Variants in STX17 observed in about 807,000 individuals in gnomAD.
STX17 encodes the protein syntaxin-17.
In STX17, 29 loss-of-function variants were observed where a neutral mutation model predicts 35.9. The ratio of observed to expected loss-of-function variants is 0.81; its 90% CI spans 0.60 to 1.10. The LOEUF is 1.10. Among genes scored for constraint, STX17 ranks in the 50% least tolerant of loss-of-function variants. The pLI, the probability that STX17 is intolerant of heterozygous loss-of-function variation, is 0.00. For missense variants in STX17, 312 were observed against 352.3 expected (o/e 0.89, Z 0.92); for synonymous variants, 92 against 118.3 (o/e 0.78, Z 1.44).
At chr9:99,957,297 T>C (rs1200691720) in intron 4 of STX17, among the ~76,000 whole-genome samples, 1 of 152,226 alleles carries the variant, frequency 6.6e-6, no homozygotes. Context: ...AGCTCGGAAG[T>C]CTCATAAAAT....
At chr9:99,916,879 G>T (rs896195297) in intron 2 of STX17, among the ~76,000 whole-genome samples, 19 of 152,232 alleles carry the variant, frequency 1.2e-4, no homozygotes, top group African/African-American at 4.6e-4. Flanking sequence ...GTCTGTCTTA[G>T]ATTTCCTTTT....
chr9:99,958,410 A>G (rs1475796684), intron 4 of STX17, among the ~76,000 whole-genome samples: 2 of 152,188 alleles, frequency 1.3e-5, no homozygotes, highest in Non-Finnish European at 2.9e-5. Flanking sequence ...GACTATTAAT[A>G]TGTCTGTATC....
At chr9:99,916,286 T>TG in intron 2 of STX17, 2 of 192,802 alleles carry the variant, frequency 1.0e-5, no homozygotes, top group South Asian at 8.4e-5. Context: ...GTACTGAGCA[T>TG]TAATTTGGCA....
At chr9:99,914,736 T>C (rs1250262063) in intron 1 of STX17, among the ~76,000 whole-genome samples, 1 of 152,208 alleles carries the variant, frequency 6.6e-6, no homozygotes, top group East Asian at 1.9e-4. Flanking sequence ...GCATCAGTGT[T>C]AAGCCATTTG....
At chr9:99,931,168 A>T (rs956433200) in intron 3 of STX17, among the ~76,000 whole-genome samples, 2 of 152,026 alleles carry the variant, frequency 1.3e-5, no homozygotes, top group African/African-American at 4.8e-5. Flanking sequence ...TTTAGTAGAA[A>T]CGGGGTTTCA....
chr9:99,911,431 A>G (rs1045577876), intron 1 of STX17, among the ~76,000 whole-genome samples: 5 of 152,160 alleles, frequency 3.3e-5, no homozygotes, highest in African/African-American at 9.6e-5. Flanking sequence ...TTGATTCCAT[A>G]TCTTGGCTAT....
intron 7 of STX17, among the ~76,000 whole-genome samples, chr9:99,968,180 A>G (rs1829954279): frequency 6.6e-6 from 1 of 152,202 alleles, no homozygotes; most frequent in Non-Finnish European, 1.5e-5. Flanking sequence ...TAGTTAGTGA[A>G]TTGATTGTTT....
chr9:99,914,787 C>G (rs1564056986), intron 1 of STX17, among the ~76,000 whole-genome samples: 1 of 152,042 alleles, frequency 6.6e-6, no homozygotes, highest in Non-Finnish European at 1.5e-5. Context: ...CAAGATAGAT[C>G]AGAAAATGAA....
chr9:99,968,390 A>T (rs375346135), intron 7 of STX17, 44 bp from the exon 8 acceptor site: 1 of 1,516,828 alleles, frequency 6.6e-7, no homozygotes, highest in South Asian at 1.4e-5. Context: ...ACAGGCAGAT[A>T]TTCTCAACTC....
chr9:99,965,559 G>A (rs904439264), intron 6 of STX17, among the ~76,000 whole-genome samples: 3 of 152,212 alleles, frequency 2.0e-5, no homozygotes, highest in African/African-American at 4.8e-5. Flanking sequence ...AAAGTGTTGG[G>A]GGTGTCCTAA....
intron 2 of STX17, among the ~76,000 whole-genome samples, chr9:99,919,528 A>G (rs1342786535): frequency 1.3e-5 from 2 of 152,142 alleles, no homozygotes; most frequent in Non-Finnish European, 2.9e-5. Context: ...TAGCTTCCAA[A>G]GTGTTGCAAA....
intron 4 of STX17, among the ~76,000 whole-genome samples, chr9:99,959,565 T>A (rs1417299111): frequency 6.7e-6 from 1 of 149,388 alleles, no homozygotes; most frequent in Non-Finnish European, 1.5e-5. Flanking sequence ...GCTGAAGTGA[T>A]CCCCCCACCT....
chr9:99,956,280 G>A (rs1587937431), intron 4 of STX17, among the ~76,000 whole-genome samples: 1 of 151,954 alleles, frequency 6.6e-6, no homozygotes, highest in South Asian at 2.1e-4. Context: ...TATTTTTTTA[G>A]ATTAAGTATT....
chr9:99,937,066 A>AAAGAACTAAAGAAAGAACATCTTT (rs1311403056), intron 3 of STX17, among the ~76,000 whole-genome samples: 1 of 152,146 alleles, frequency 6.6e-6, no homozygotes, highest in African/African-American at 2.4e-5. Context: ...TTCTTTCAGT[A>AAAGAACTAAAGAAAGAACATCTTT]CTTTAAAGAT....
intron 2 of STX17, among the ~76,000 whole-genome samples, chr9:99,927,461 T>A (rs910202947): frequency 1.1e-4 from 16 of 152,216 alleles, no homozygotes; most frequent in Middle Eastern, 3.4e-3. Flanking sequence ...TCTAATTTTT[T>A]AAAATATTTT....
At chr9:99,917,737 A>C (rs1828803623) in intron 2 of STX17, among the ~76,000 whole-genome samples, 1 of 152,202 alleles carries the variant, frequency 6.6e-6, no homozygotes, top group South Asian at 2.1e-4. Context: ...GAATGACAAG[A>C]TAGTAAGCTT....
At chr9:99,928,929 A>G in intron 3 of STX17, 86 bp downstream of exon 3, 1 of 1,194,114 alleles carries the variant, frequency 8.4e-7, no homozygotes, top group Non-Finnish European at 1.2e-6. Flanking sequence ...TTTGCAGCTG[A>G]ACCCTTTTAT....
At chr9:99,967,532 C>T in intron 6 of STX17, 121 bp from the exon 7 acceptor site, 1 of 548,478 alleles carries the variant, frequency 1.8e-6, no homozygotes, top group Non-Finnish European at 3.1e-6. Flanking sequence ...TATTAATGAA[C>T]CACTATTAAG....
In STX17 at chr9:99,928,760, CTTCT is replaced by C. The variant is rs145402404; in HGVS notation, c.124-11_124-8del. The C allele has an allele frequency of 0.32, 506,141 of 1,605,582 alleles. 86,852 individuals carry two copies. Among genetic ancestry groups the C allele is most frequent in the Non-Finnish European group, 0.36 (416,762 of 1,173,224 alleles). The stretch of plus-strand genomic sequence containing the variant: ...TAGTGATGAAAAATTTAATACCTCC[CTTCT>C]TTCTTTTATATAGTATCAAAGGTGC... On this transcript the variant is annotated splice_polypyrimidine_tract_variant and intron_variant, in intron 2 of 7. Coordinates refer to ENST00000259400, the MANE Select transcript of STX17 (RefSeq NM_017919.3).
Sources: allele counts gnomAD v4.1 joint callset (sites outside exome capture counted in the v4.1 genomes callset), GRCh38; gene constraint gnomAD v4.1.1; transcripts MANE v1.5; gene names NCBI Gene and HGNC (gene_info 2026-07-23, HGNC 2026-07-21).